Variants in C9orf153 observed in about 807,000 individuals in gnomAD.
C9orf153 encodes the protein uncharacterized protein C9orf153.
Under a neutral mutation model 9.0 loss-of-function variants are expected in C9orf153, and 10 were observed. That is an observed-to-expected ratio of 1.11 (90% confidence interval 0.69 to 1.89). The LOEUF is 1.89. Among genes scored for constraint, C9orf153 ranks in the 40% most tolerant of loss-of-function variants. The pLI is 0.00. For missense variants in C9orf153, 108 were observed against 111.0 expected (o/e 0.97, Z 0.12); for synonymous variants, 35 against 37.3 (o/e 0.94, Z 0.23).
chr9:86,227,190 A>T (rs1824355775), intron 3 of C9orf153: 9 of 793,358 alleles, frequency 1.1e-5, no homozygotes, highest in African/African-American at 3.6e-5. Context: ...TCTGTTGCCA[A>T]GGCTGAAATG....
chr9:86,230,115 G>A (rs987904754), intron 1 of C9orf153, among the ~76,000 whole-genome samples: 5 of 151,994 alleles, frequency 3.3e-5, no homozygotes, highest in African/African-American at 1.2e-4. Context: ...ATTTGGGTGG[G>A]GACACAAATC....
chr9:86,227,940 C>A lies in C9orf153; in HGVS notation c.157G>T (p.Ala53Ser). Residue 53 changes from alanine (A) to serine (S), a missense_variant, in exon 3 of 4, where the codon GCA becomes TCA. By Grantham distance (99) the Ala-to-Ser change is moderately conservative (BLOSUM62 1). Coordinates refer to ENST00000339137, the MANE Select transcript of C9orf153 (RefSeq NM_001276366.4). ...LKMHGISLNE[A>S]QEVLARNLNV... ...AGGTTTCTAGCAAGTACTTCCTGTG[C>A]TTCGTTAAGTGAAATACCATGCATT... 1.2e-6 allele frequency: 2 copies of A among 1,613,830 alleles called. No individual in the cohort carries two copies. The highest frequency in any genetic ancestry group is 3.3e-5 in the Admixed American group (2 of 59,978).
intron 2 of C9orf153, 91 bp from the exon 3 acceptor site, chr9:86,228,121 A>C: frequency 2.2e-6 from 2 of 911,552 alleles, no homozygotes; most frequent in Non-Finnish European, 3.2e-6. Context: ...ACCATAGGAC[A>C]ATAAATAACC....
chr9:86,225,347 C>T (rs1413407923), intron 3 of C9orf153, among the ~76,000 whole-genome samples: 5 of 144,566 alleles, frequency 3.5e-5, no homozygotes, highest in African/African-American at 1.1e-4. Context: ...TCTTTCTTTC[C>T]TTCCTTCCTT....
chr9:86,248,257 C>T (rs1305350465), intron 1 of C9orf153, among the ~76,000 whole-genome samples: 1 of 152,014 alleles, frequency 6.6e-6, no homozygotes, highest in Admixed American at 6.6e-5. Context: ...CCTCAGCCTC[C>T]AGAGTAGCTG....
intron 1 of C9orf153, among the ~76,000 whole-genome samples, chr9:86,250,775 TAATC>T (rs1034878478): frequency 6.6e-6 from 1 of 152,220 alleles, no homozygotes; most frequent in African/African-American, 2.4e-5. Flanking sequence ...TTTGTTTATT[TAATC>T]AATCAGAAGT....
chr9:86,253,906 A>G (rs1825049373), intron 1 of C9orf153, among the ~76,000 whole-genome samples: 1 of 152,100 alleles, frequency 6.6e-6, no homozygotes, highest in Non-Finnish European at 1.5e-5. Context: ...CCTGGCTAAC[A>G]TGATGAAACC....
At chr9:86,248,229 G>T (rs1464212928) in intron 1 of C9orf153, among the ~76,000 whole-genome samples, 1 of 152,036 alleles carries the variant, frequency 6.6e-6, no homozygotes, top group East Asian at 1.9e-4. Context: ...CACCTCTTGG[G>T]TTCAAGCGAT....
intron 1 of C9orf153, among the ~76,000 whole-genome samples, chr9:86,231,945 T>A (rs1824480901): frequency 6.6e-6 from 1 of 152,152 alleles, no homozygotes; most frequent in Non-Finnish European, 1.5e-5. Flanking sequence ...CCTTCTCCCA[T>A]CACCAAGGGT....
At chr9:86,234,903 G>T (rs563626937) in intron 1 of C9orf153, among the ~76,000 whole-genome samples, 19 of 152,270 alleles carry the variant, frequency 1.2e-4, no homozygotes, top group African/African-American at 4.3e-4. Context: ...TTCTAGTGTG[G>T]CTTCTCCTCT....
At chr9:86,227,792 A>G (rs1340561372) in intron 3 of C9orf153, 63 bp downstream of exon 3, 44 of 1,537,952 alleles carry the variant, frequency 2.9e-5, no homozygotes, top group Non-Finnish European at 3.8e-5. Context: ...TGAGCTTGCC[A>G]GTAAGCTGCG....
intron 3 of C9orf153, among the ~76,000 whole-genome samples, chr9:86,224,261 C>T (rs1824268742): frequency 6.6e-6 from 1 of 152,058 alleles, no homozygotes; most frequent in Admixed American, 6.5e-5. Context: ...GTGGCATGCA[C>T]CTGAGGTCCC....
intron 1 of C9orf153, among the ~76,000 whole-genome samples, chr9:86,253,141 A>G (rs12350296): frequency 0.026 from 3,943 of 152,304 alleles, 159 homozygotes; most frequent in African/African-American, 0.076. Context: ...CAAAAATTCA[A>G]TAAGAACCCG....
At chr9:86,224,940 C>CAAAAAA (rs35723282) in intron 3 of C9orf153, among the ~76,000 whole-genome samples, 1 of 73,914 alleles carries the variant, frequency 1.4e-5, no homozygotes, top group African/African-American at 5.6e-5. Flanking sequence ...GACTCCGTCT[C>CAAAAAA]AAAAAAAAAA....
chr9:86,247,925 A>C (rs909477345), intron 1 of C9orf153, among the ~76,000 whole-genome samples: 10 of 152,100 alleles, frequency 6.6e-5, no homozygotes, highest in African/African-American at 2.2e-4. Flanking sequence ...TCATCTGCTC[A>C]GTAAGAGTGA....
In C9orf153 at chr9:86,221,524, C is replaced by A; in HGVS notation, c.*164G>T. Reference sequence around the variant, plus strand: ...ATATTCCATTTAAGAGAATAACTTCCTTCATTTTGATAATCAATTTGAGGA... The same window carrying A: ...ATATTCCATTTAAGAGAATAACTTCATTCATTTTGATAATCAATTTGAGGA... On this transcript the variant is annotated 3_prime_UTR_variant, in exon 4 of 4. Transcript: ENST00000339137. The A allele has an allele frequency of 1.5e-6, 2 of 1,360,620 alleles. No individual in the cohort carries two copies. Among genetic ancestry groups the A allele is most frequent in the Non-Finnish European group, 1.9e-6 (2 of 1,057,296 alleles). 84.3% of individuals were successfully genotyped at this position (1,360,620 alleles called of 1,614,324 possible). A position where few individuals can be genotyped will look rare whatever the true frequency, so the allele number is the denominator to read the frequency against.
chr9:86,240,231 C>G (rs1824700345), intron 1 of C9orf153, among the ~76,000 whole-genome samples: 1 of 152,088 alleles, frequency 6.6e-6, no homozygotes, highest in Admixed American at 6.6e-5. Flanking sequence ...CCTTCCCTAG[C>G]ATCAAAGAGC....
chr9:86,233,202 G>T (rs1362270511), intron 1 of C9orf153, among the ~76,000 whole-genome samples: 1 of 151,960 alleles, frequency 6.6e-6, no homozygotes, highest in African/African-American at 2.4e-5. Context: ...TTCCACTTGG[G>T]GTAATAATGC....
At chr9:86,249,524 A>T (rs1405993670) in intron 1 of C9orf153, among the ~76,000 whole-genome samples, 1 of 151,304 alleles carries the variant, frequency 6.6e-6, no homozygotes, top group Admixed American at 6.6e-5. Context: ...CAAACGGTAG[A>T]GGCCAAAGGA....
Sources: gnomAD v4.1 joint callset for allele counts (sites outside exome capture counted in the v4.1 genomes callset) on GRCh38, gnomAD v4.1.1 for gene constraint, MANE v1.5 for transcripts, NCBI Gene and HGNC (gene_info 2026-07-23, HGNC 2026-07-21) for gene names.